VPS9D1: variants seen among roughly 807,000 people sequenced by gnomAD.
The protein encoded by VPS9D1 is VPS9 domain containing 1.
In VPS9D1, 78 loss-of-function variants were observed where a neutral mutation model predicts 75.8. The ratio of observed to expected loss-of-function variants is 1.03; its 90% CI spans 0.86 to 1.24. VPS9D1 has a LOEUF of 1.24. Among genes scored for constraint, VPS9D1 ranks in the 50% most tolerant of loss-of-function variants. The pLI is 0.00. For synonymous variants in VPS9D1, 481 were observed against 385.6 expected, an observed-to-expected ratio of 1.25 and a Z score of -2.90; for missense variants, 1,057 against 847.7, an observed-to-expected ratio of 1.25 and a Z score of -3.07.
intron 4 of VPS9D1, among the ~76,000 whole-genome samples, chr16:89,713,910 T>A (rs540467336): frequency 6.6e-6 from 1 of 152,108 alleles, no homozygotes; most frequent in South Asian, 2.1e-4. Context: ...TGATAGAGAC[T>A]CTGTCTCAAA....
Position 89,708,943 on chromosome 16 carries a change from C to A in VPS9D1, c.1611G>T (p.Arg537=). 6.2e-7 allele frequency: 1 copy of A among 1,602,400 alleles called. No homozygotes were observed. Among genetic ancestry groups the A allele is most frequent in the Non-Finnish European group, 8.5e-7 (1 of 1,175,984 alleles). The part of the protein sequence containing the change: ...KKLECIVRTL[R]IICVCAEDYC... Reference sequence around the variant, plus strand: ...AGTCTTCCGCACAGACACAGATGATCCGCAGGGTCCGCACTGCGCCCCAGA... The same window carrying A: ...AGTCTTCCGCACAGACACAGATGATACGCAGGGTCCGCACTGCGCCCCAGA... Residue 537 remains arginine (R), a synonymous_variant, in exon 13 of 15, where the codon CGG becomes CGT. Coordinates refer to ENST00000389386, the MANE Select transcript of VPS9D1 (RefSeq NM_004913.3).
chr16:89,717,622 T>G (rs766165815), intron 2 of VPS9D1: 18 of 456,150 alleles, frequency 3.9e-5, no homozygotes, highest in South Asian at 2.6e-4. Flanking sequence ...CCCGCCCCGA[T>G]TTAGCCCCCG....
chr16:89,712,368 C>T lies in VPS9D1; in HGVS notation c.606+92G>A. ...CGGCCCTGTACCCCGACCCCGGAACCTCCGCTCCCCTCGCTGCCCCCTTCT... is the reference window on the plus strand; with the variant it reads ...CGGCCCTGTACCCCGACCCCGGAACTTCCGCTCCCCTCGCTGCCCCCTTCT... On this transcript the variant is annotated intron_variant, in intron 6 of 14. Coordinates refer to ENST00000389386, the MANE Select transcript of VPS9D1 (RefSeq NM_004913.3). 5 of 1,568,616 alleles carry T rather than the reference C, an allele frequency of 3.2e-6. No individual in the cohort carries two copies. In the South Asian group the frequency reaches 4.5e-5, roughly 14 times the overall value.
chr16:89,709,893 C>G lies in VPS9D1; in HGVS notation c.1272G>C (p.Ser424=), dbSNP rs200669168. ...EIHNAVDRLL[S]LTLLAFEGLN... is the part of the protein sequence containing the mutation. ...GGCCTTCGAAGGCCAGAAGGGTCAG[C>G]GAGAGCAGCCTGTCTGCTAGGAACA... Residue 424 remains serine (S), a synonymous_variant, in exon 11 of 15, where the codon TCG becomes TCC. Coordinates refer to ENST00000389386, the MANE Select transcript of VPS9D1 (RefSeq NM_004913.3). 1.9e-6 allele frequency: 3 copies of G among 1,609,852 alleles called. No homozygotes were observed. The highest frequency in any genetic ancestry group is 1.7e-6 in the Non-Finnish European group (2 of 1,177,882).
intron 12 of VPS9D1, 84 bp from the exon 13 acceptor site, chr16:89,709,040 T>TCCCCC: frequency 5.7e-6 from 1 of 176,062 alleles, no homozygotes. Context: ...CCCACCCACC[T>TCCCCC]CCTGATGTGC....
intron 2 of VPS9D1, 62 bp from the exon 3 acceptor site, chr16:89,716,884 T>A (rs2061082938): frequency 1.4e-6 from 2 of 1,457,494 alleles, no homozygotes; most frequent in Admixed American, 2.7e-5. Context: ...ACTGCTGAGA[T>A]AAAATGAGGC....
Position 89,710,747 on chromosome 16 carries a change from A to C in VPS9D1, c.1097T>G (p.Leu366Arg), listed in dbSNP as rs577190086. 2 of 1,577,900 alleles carry C rather than the reference A, an allele frequency of 1.3e-6. No individual in the cohort carries two copies. Among genetic ancestry groups the C allele is most frequent in the Admixed American group, 1.8e-5 (1 of 54,520 alleles). Residue 366 changes from leucine to arginine, a missense_variant, in exon 10 of 15, where the codon CTG becomes CGG. Transcript: ENST00000389386. ...QPGPVGSPSP[L>R]GDTASGLPDK... ...TGGCAATCCAGATGCGGTGTCCCCCAGGGGTGAGGGAGACCCCACGGGGCC... is the reference window on the plus strand; with the variant it reads ...TGGCAATCCAGATGCGGTGTCCCCCCGGGGTGAGGGAGACCCCACGGGGCC...
Position 89,709,019 on chromosome 16 carries a change from T to C in VPS9D1, c.1598-63A>G, listed in dbSNP as rs540412044. Reference sequence around the variant, plus strand: ...GTCCAGCAGCCTGAGCCACCCCTTATACCCCGCCCACCCACCCACCTCCTG... The same window carrying C: ...GTCCAGCAGCCTGAGCCACCCCTTACACCCCGCCCACCCACCCACCTCCTG... On this transcript the variant is annotated intron_variant, in intron 12 of 14. Coordinates refer to ENST00000389386, the MANE Select transcript of VPS9D1 (RefSeq NM_004913.3). The C allele has an allele frequency of 1.7e-3, 2,146 of 1,290,646 alleles. 26 individuals carry two copies. In the African/African-American group the frequency reaches 0.046, roughly 28 times the overall value. 79.9% of individuals were successfully genotyped at this position (1,290,646 alleles called of 1,614,324 possible). A position where few individuals can be genotyped will look rare whatever the true frequency, so the allele number is the denominator to read the frequency against.
chr16:89,712,382 C>T, intron 6 of VPS9D1, 78 bp downstream of exon 6: 3 of 1,590,546 alleles, frequency 1.9e-6, no homozygotes, highest in Non-Finnish European at 1.7e-6. Flanking sequence ...GCTCCCCTCG[C>T]TGCCCCCTTC....
intron 1 of VPS9D1, among the ~76,000 whole-genome samples, chr16:89,719,713 A>T (rs34141697): frequency 0.19 from 28,774 of 151,898 alleles, 3,010 homozygotes; most frequent in Middle Eastern, 0.32. Flanking sequence ...GGAACCACAG[A>T]ATGGTGGTTT....
Position 89,707,879 on chromosome 16 carries a change from C to G in VPS9D1, c.1878G>C (p.Arg626=). Residue 626 remains arginine, a synonymous_variant, in exon 15 of 15, where the codon CGG becomes CGC. Coordinates refer to ENST00000389386, the MANE Select transcript of VPS9D1 (RefSeq NM_004913.3). ...AGCTGTACTACTTGGCCAGGCCTCCCCGGGGCAGCAGCTCCACGTAGCTCA... is the reference window on the plus strand; with the variant it reads ...AGCTGTACTACTTGGCCAGGCCTCCGCGGGGCAGCAGCTCCACGTAGCTCA... The part of the protein sequence containing the change: ...SALSYVELLP[R]GGLAK 6.2e-7 allele frequency: 1 copy of G among 1,613,132 alleles called. No individual in the cohort carries two copies. The highest frequency in any genetic ancestry group is 8.5e-7 in the Non-Finnish European group (1 of 1,179,962).
chr16:89,718,883 T>G, intron 2 of VPS9D1, 144 bp downstream of exon 2: 1 of 666,774 alleles, frequency 1.5e-6, no homozygotes, highest in South Asian at 1.7e-5. Context: ...CCAGCTGATT[T>G]TTTAGATTTT....
At chr16:89,709,052 C>CGGCT in intron 12 of VPS9D1, 96 bp from the exon 13 acceptor site, 1 of 1,326,732 alleles carries the variant, frequency 7.5e-7, no homozygotes, top group Non-Finnish European at 1.0e-6. Flanking sequence ...CTGATGTGCA[C>CGGCT]GGCTGGGAAG....
rs764142647 is a variant in VPS9D1, at chr16:89,707,699, G to T, written c.*162C>A. The T allele has an allele frequency of 2.7e-5, 17 of 626,216 alleles. No individual in the cohort carries two copies. The highest frequency in any genetic ancestry group is 4.8e-5 in the Non-Finnish European group (17 of 357,660). The allele number at this position is 626,216 out of a possible 1,614,324, so 38.8% of individuals were successfully genotyped here. A position where few individuals can be genotyped will look rare whatever the true frequency, so the allele number is the denominator to read the frequency against. On this transcript the variant is annotated 3_prime_UTR_variant, in exon 15 of 15. Coordinates refer to ENST00000389386, the MANE Select transcript of VPS9D1 (RefSeq NM_004913.3). ...CAGGGTCAGATGTGAGGTGAGGAAGGTGAAGAGCTGGAGAGCACACCACAG... is the reference window on the plus strand; with the variant it reads ...CAGGGTCAGATGTGAGGTGAGGAAGTTGAAGAGCTGGAGAGCACACCACAG...
intron 1 of VPS9D1, 44 bp from the exon 2 acceptor site, chr16:89,719,146 G>C (rs2061169041): frequency 1.9e-6 from 3 of 1,572,872 alleles, no homozygotes; most frequent in Non-Finnish European, 2.6e-6. Flanking sequence ...CCAGTGGAGG[G>C]AAGTGACTCC....
intron 4 of VPS9D1, 39 bp downstream of exon 4, chr16:89,716,423 A>T (rs748682681): frequency 1.2e-6 from 2 of 1,611,866 alleles, no homozygotes; most frequent in South Asian, 2.2e-5. Flanking sequence ...CAAAAACCCA[A>T]TCCCAGGCTC....
At chr16:89,718,921 G>T in intron 2 of VPS9D1, 106 bp downstream of exon 2, 1 of 943,804 alleles carries the variant, frequency 1.1e-6, no homozygotes, top group Non-Finnish European at 1.6e-6. Context: ...CACCATGTTA[G>T]CCAGGATGGT....
chr16:89,708,324 C>T, intron 14 of VPS9D1, 103 bp downstream of exon 14: 1 of 1,168,802 alleles, frequency 8.6e-7, no homozygotes, highest in African/African-American at 1.5e-5. Context: ...GACGGAGCCA[C>T]ACGCTACCCT....
chr16:89,713,609 A>C (rs2060992659), intron 4 of VPS9D1, among the ~76,000 whole-genome samples: 1 of 152,130 alleles, frequency 6.6e-6, no homozygotes, highest in Non-Finnish European at 1.5e-5. Context: ...GAGATCCGTT[A>C]TATGTGTTTG....
Sources: gnomAD v4.1 joint callset for allele counts (sites outside exome capture counted in the v4.1 genomes callset) on GRCh38, gnomAD v4.1.1 for gene constraint, MANE v1.5 for transcripts, NCBI Gene and HGNC (gene_info 2026-07-23, HGNC 2026-07-21) for gene names.